The following EBF3 variants were observed in gnomAD, a reference collection of about 807,000 sequenced individuals.
The protein encoded by EBF3 is transcription factor COE3.
In EBF3, 18 loss-of-function variants were observed where a neutral mutation model predicts 77.1. The ratio of observed to expected loss-of-function variants is 0.23; its 90% CI spans 0.16 to 0.35. The LOEUF (loss-of-function observed/expected upper bound fraction) is 0.35. EBF3 is among the 10% of genes least tolerant of loss of function. The pLI is 1.00. For synonymous variants in EBF3, 350 were observed against 343.5 expected (o/e 1.02, Z -0.21); for missense variants, 558 against 860.0 (o/e 0.65, Z 4.39).
intron 6 of EBF3, among the ~76,000 whole-genome samples, chr10:129,939,366 T>C: frequency 6.6e-6 from 1 of 152,180 alleles, no homozygotes; most frequent in East Asian, 1.9e-4. Flanking sequence ...CATGCCAGTC[T>C]ACATAAGAAA....
rs1858323847 is a variant in EBF3, at chr10:129,947,601, G to A, written c.554+9657C>T. ...TGAGGAAATAAACCCCTTATAATAA[G>A]TGAAATTGAGCAATGCCACTTAAAT... On this transcript the variant is annotated intron_variant, in intron 6 of 16. Coordinates refer to ENST00000440978, the MANE Select transcript of EBF3 (RefSeq NM_001375380.1). The surrounding 1 kb of genome is among the most constrained non-coding windows in gnomAD (Gnocchi z 4.5). Among the ~76,000 whole-genome samples, 6 of 151,286 alleles carry A rather than the reference G, an allele frequency of 4.0e-5. No homozygotes were observed. The South Asian group carries it at 1.3e-3, about 32-fold the overall frequency.
chr10:129,869,224 TGGG>T (rs1422555458), intron 8 of EBF3, among the ~76,000 whole-genome samples: 1 of 152,134 alleles, frequency 6.6e-6, no homozygotes, highest in African/African-American at 2.4e-5. Flanking sequence ...TTGGGGGTGT[TGGG>T]GGTTAAAGAT....
rs192768881 is a variant in EBF3 at position 129,923,451 on chromosome 10, A to T, written c.554+33807T>A. Among the ~76,000 whole-genome samples the T allele has an allele frequency of 2.6e-5, 4 of 152,360 alleles. No homozygotes were observed. The East Asian group carries it at 7.7e-4, about 29-fold the overall frequency. ...TGGCATAAAGACAGACATACAGACC[A>T]ATGGGACAGAATGGAGAGCCCAGGA... is the stretch of plus-strand genomic sequence containing the variant. On this transcript the variant is annotated intron_variant, in intron 6 of 16. Coordinates refer to ENST00000440978, the MANE Select transcript of EBF3 (RefSeq NM_001375380.1).
At chr10:129,880,360 T>G (rs984521133) in intron 6 of EBF3, among the ~76,000 whole-genome samples, 1 of 146,852 alleles carries the variant, frequency 6.8e-6, no homozygotes, top group African/African-American at 2.5e-5. Flanking sequence ...CAGACACACA[T>G]GCCCACATGC....
intron 6 of EBF3, among the ~76,000 whole-genome samples, chr10:129,891,735 C>G (rs1854032868): frequency 6.6e-6 from 1 of 152,210 alleles, no homozygotes; most frequent in Admixed American, 6.5e-5. Context: ...CCATGTATTA[C>G]AAGCACAACA....
At chr10:129,845,059 A>AGTT (rs1850357025) in intron 11 of EBF3, among the ~76,000 whole-genome samples, 7 of 152,234 alleles carry the variant, frequency 4.6e-5, no homozygotes, top group Admixed American at 4.6e-4. Flanking sequence ...ACATAAGGAT[A>AGTT]GTTTAGGAAA....
At chr10:129,932,445 T>C (rs1857088270) in intron 6 of EBF3, among the ~76,000 whole-genome samples, 1 of 152,200 alleles carries the variant, frequency 6.6e-6, no homozygotes, top group South Asian at 2.1e-4. Flanking sequence ...CTGTGACCAA[T>C]GGCTCCCTCT....
At position 129,885,753 on chromosome 10, in the gene EBF3, G is replaced by A. The variant is rs1403523704; in HGVS notation, c.555-7904C>T. On this transcript the variant is annotated intron_variant, in intron 6 of 16. Transcript: ENST00000440978. The surrounding 1 kb of genome is among the most constrained non-coding windows in gnomAD (Gnocchi z 4.0). ...TGTTCTATTTGCCAGCTCTGATCACGAAGCTCCTTATTTAAGAAAAATGCC... is the reference window on the plus strand; with the variant it reads ...TGTTCTATTTGCCAGCTCTGATCACAAAGCTCCTTATTTAAGAAAAATGCC... Among the ~76,000 whole-genome samples the A allele has an allele frequency of 2.6e-5, 4 of 152,098 alleles. No individual in the cohort carries two copies. The highest frequency in any genetic ancestry group is 4.4e-5 in the Non-Finnish European group (3 of 68,032).
At position 129,944,370 on chromosome 10, in the gene EBF3, G is replaced by C. The variant is rs1858020297; in HGVS notation, c.554+12888C>G. 6.6e-6 allele frequency among the ~76,000 whole-genome samples: 1 copy of C among 152,202 alleles called. No homozygotes were observed. The highest frequency in any genetic ancestry group is 1.5e-5 in the Non-Finnish European group (1 of 68,046). On this transcript the variant is annotated intron_variant, in intron 6 of 16. Coordinates refer to ENST00000440978, the MANE Select transcript of EBF3 (RefSeq NM_001375380.1). This position sits in a 1 kb window ranked among gnomAD's most constrained non-coding sequence, Gnocchi z 5.1. Reference sequence around the variant, plus strand: ...TTGTTAATCAATGCCAATCAATTCTGAGCCTTGATGTTAAATAGGGATCAA... The same window carrying C: ...TTGTTAATCAATGCCAATCAATTCTCAGCCTTGATGTTAAATAGGGATCAA...
chr10:129,953,030 C>T (rs1300700160), intron 6 of EBF3, among the ~76,000 whole-genome samples: 4 of 100,114 alleles, frequency 4.0e-5, no homozygotes, highest in South Asian at 6.5e-4. Context: ...ACACTGTTGA[C>T]TAAAAAAAAA....
chr10:129,858,742 G>A (rs1041376219), intron 10 of EBF3, among the ~76,000 whole-genome samples: 3 of 152,136 alleles, frequency 2.0e-5, no homozygotes, highest in African/African-American at 7.2e-5. Context: ...TTCCTCAGAT[G>A]CCTAGAGTGC....
chr10:129,853,163 T>C (rs1293047362), intron 10 of EBF3, among the ~76,000 whole-genome samples: 2 of 152,228 alleles, frequency 1.3e-5, no homozygotes, highest in African/African-American at 4.8e-5. Flanking sequence ...CCAGCCACAG[T>C]TGTGTTTTTA....
intron 10 of EBF3, among the ~76,000 whole-genome samples, chr10:129,860,582 T>A (rs1421291058): frequency 2.0e-5 from 3 of 152,078 alleles, no homozygotes; most frequent in Non-Finnish European, 4.4e-5. Flanking sequence ...GCAGACTTGG[T>A]CACAGCCACT....
chr10:129,879,818 CTAA>C lies in EBF3; in HGVS notation c.555-1972_555-1970del, dbSNP rs1385851610. Among the ~76,000 whole-genome samples the C allele has an allele frequency of 6.6e-6, 1 of 152,188 alleles. No homozygotes were observed. Among genetic ancestry groups the C allele is most frequent in the East Asian group, 1.9e-4 (1 of 5,200 alleles). On this transcript the variant is annotated intron_variant, in intron 6 of 16. Coordinates refer to ENST00000440978, the MANE Select transcript of EBF3 (RefSeq NM_001375380.1). This position sits in a 1 kb window ranked among gnomAD's most constrained non-coding sequence, Gnocchi z 4.7. The stretch of plus-strand genomic sequence containing the variant: ...GCATTTGAACTGCATCAGAAAGGGC[CTAA>C]CAAGGTGAGGGCGCCACCAAGTTAT...
intron 5 of EBF3, among the ~76,000 whole-genome samples, chr10:129,958,059 G>A (rs1859172670): frequency 6.6e-6 from 1 of 152,222 alleles, no homozygotes; most frequent in Non-Finnish European, 1.5e-5. Flanking sequence ...CGCTTTCTAT[G>A]TTAATTGCAG....
intron 6 of EBF3, among the ~76,000 whole-genome samples, chr10:129,948,313 C>CATAATGTA (rs1858398069): frequency 7.3e-6 from 1 of 137,648 alleles, no homozygotes; most frequent in Non-Finnish European, 1.6e-5. Flanking sequence ...GGAAAGACTA[C>CATAATGTA]ATAATGTATG....
At chr10:129,927,406 T>C (rs1184028448) in intron 6 of EBF3, among the ~76,000 whole-genome samples, 1 of 152,172 alleles carries the variant, frequency 6.6e-6, no homozygotes, top group African/African-American at 2.4e-5. Flanking sequence ...CTTCATGCAA[T>C]TGTAATCAAT....
At chr10:129,925,087 T>C (rs780141388) in intron 6 of EBF3, among the ~76,000 whole-genome samples, 30 of 6,982 alleles carry the variant, frequency 4.3e-3, no homozygotes, top group African/African-American at 7.2e-3. Context: ...TGTGCACGCG[T>C]GTGTGTGTGT....
intron 6 of EBF3, among the ~76,000 whole-genome samples, chr10:129,925,296 G>A (rs1027424024): frequency 2.6e-5 from 4 of 151,948 alleles, no homozygotes; most frequent in East Asian, 3.9e-4. Flanking sequence ...GCTTCAAGGC[G>A]TGGCTGGGAT....
Sources: gnomAD v4.1 joint callset for allele counts (sites outside exome capture counted in the v4.1 genomes callset) on GRCh38, gnomAD v4.1.1 for gene constraint, Gnocchi (gnomAD v3.1) non-coding constraint, MANE v1.5 for transcripts, NCBI Gene and HGNC (gene_info 2026-07-23, HGNC 2026-07-21) for gene names.